INPP5D: variants seen among roughly 807,000 people sequenced by gnomAD.
INPP5D encodes the protein phosphatidylinositol 3,4,5-trisphosphate 5-phosphatase 1.
Under a neutral mutation model 122.9 loss-of-function variants are expected in INPP5D, and 33 were observed. That is an observed-to-expected ratio of 0.27 (90% CI 0.20 to 0.36). The LOEUF is 0.36. INPP5D is among the 10% of genes least tolerant of loss of function. The pLI, the probability that INPP5D is intolerant of heterozygous loss-of-function variation, is 1.00. For missense variants in INPP5D, 1,053 were observed against 1,412.7 expected, an observed-to-expected ratio of 0.75 and a Z score of 4.08; for synonymous variants, 584 against 576.2, an observed-to-expected ratio of 1.01 and a Z score of -0.19.
chr2:233,184,777 C>T (rs559479921), intron 20 of INPP5D, among the ~76,000 whole-genome samples: 1 of 152,314 alleles, frequency 6.6e-6, no homozygotes, highest in South Asian at 2.1e-4. Context: ...AGGTGGCAAG[C>T]AGGGTCCAAT....
At position 233,089,537 on chromosome 2, in the gene INPP5D, G is replaced by C. The variant is rs765201053; in HGVS notation, c.198+10139G>C. Among the ~76,000 whole-genome samples, 3 of 152,298 alleles carry C rather than the reference G, an allele frequency of 2.0e-5. No individual in the cohort carries two copies. The South Asian group carries it at 6.2e-4, about 32-fold the overall frequency. On this transcript the variant is annotated intron_variant, in intron 2 of 26. Transcript: ENST00000445964. ...GCCTTTGTTTCTCCAACCACTGGAG[G>C]TTCCCCAGCTATGTATGGAACCAGC...
chr2:233,204,626 G>A lies in INPP5D; in HGVS notation c.3476G>A (p.Arg1159His), dbSNP rs750844484. ...CTGCACCTCCAGCACTCCAAGGGCCGCGACTACCGCGACAACACCGAGCTC... is the reference window on the plus strand; with the variant it reads ...CTGCACCTCCAGCACTCCAAGGGCCACGACTACCGCGACAACACCGAGCTC... ...AVLHLQHSKG[R>H]DYRDNTELPH... is the part of the protein sequence containing the mutation. Residue 1159 changes from arginine (R) to histidine (H), a missense_variant, in exon 26 of 27, where the codon CGC becomes CAC. Coordinates refer to ENST00000445964, the MANE Select transcript of INPP5D (RefSeq NM_001017915.3). 3 of 1,579,874 alleles carry A rather than the reference G, an allele frequency of 1.9e-6. No homozygotes were observed. The highest frequency in any genetic ancestry group is 2.3e-5 in the East Asian group (1 of 42,896).
At chr2:233,194,855 G>A (rs1464487000) in intron 23 of INPP5D, among the ~76,000 whole-genome samples, 1 of 151,930 alleles carries the variant, frequency 6.6e-6, no homozygotes, top group Non-Finnish European at 1.5e-5. Flanking sequence ...AGGCTAGAGT[G>A]CAGTGGCACA....
At chr2:233,091,715 T>A (rs1199342611) in intron 2 of INPP5D, among the ~76,000 whole-genome samples, 1 of 152,180 alleles carries the variant, frequency 6.6e-6, no homozygotes, top group African/African-American at 2.4e-5. Context: ...CCTCAGGCCA[T>A]GGTACATAAC....
At position 233,204,477 on chromosome 2, in the gene INPP5D, G is replaced by A. The variant is rs199556789; in HGVS notation, c.3327G>A (p.Pro1109=). The A allele has an allele frequency of 3.6e-4, 572 of 1,587,894 alleles. 1 individual carries two copies. The African/African-American group carries it at 6.8e-3, about 19-fold the overall frequency. ...AGAGCCAAGGGAAGCCCAAGACCCCGGTCAGCTCCCAGGCCCCGGTGCCGG... is the reference window on the plus strand; with the variant it reads ...AGAGCCAAGGGAAGCCCAAGACCCCAGTCAGCTCCCAGGCCCCGGTGCCGG... ...GDKSQGKPKT[P]VSSQAPVPAK... is the part of the protein sequence containing the mutation. The change falls in exon 26 of 27, where the codon CCG becomes CCA. Residue 1109 remains proline (P), a synonymous_variant. Transcript: ENST00000445964.
intron 2 of INPP5D, among the ~76,000 whole-genome samples, chr2:233,084,008 T>A (rs907507108): frequency 7.9e-5 from 12 of 152,192 alleles, no homozygotes; most frequent in African/African-American, 2.7e-4. Flanking sequence ...ATCTAGGATA[T>A]TGATTGTTTC....
chr2:233,151,061 T>C (rs1468495205), intron 9 of INPP5D, among the ~76,000 whole-genome samples: 1 of 152,106 alleles, frequency 6.6e-6, no homozygotes, highest in African/African-American at 2.4e-5. Context: ...AATGCCCAAG[T>C]AAGGATTGGA....
intron 17 of INPP5D, among the ~76,000 whole-genome samples, chr2:233,176,561 GATAAT>G (rs1559336068): frequency 0.55 from 11 of 20 alleles, 5 homozygotes; most frequent in East Asian, 1. Flanking sequence ...GTGTGAGGAT[GATAAT>G]GGATTGATGA....
chr2:233,195,048 G>A (rs1275731737), intron 23 of INPP5D, among the ~76,000 whole-genome samples: 3 of 152,090 alleles, frequency 2.0e-5, no homozygotes, highest in South Asian at 2.1e-4. Context: ...CACCTGCCTC[G>A]GCCTCCCAAA....
chr2:233,125,638 G>T, intron 3 of INPP5D, 107 bp from the exon 4 acceptor site: 1 of 969,322 alleles, frequency 1.0e-6, no homozygotes, highest in South Asian at 1.7e-5. Context: ...GGACGCAGAT[G>T]GAGATCAATA....
chr2:233,102,835 G>C (rs1692352578), intron 2 of INPP5D, among the ~76,000 whole-genome samples: 1 of 144,098 alleles, frequency 6.9e-6, no homozygotes. Context: ...GGGCGACAGA[G>C]CAAGACTCCG....
At position 233,171,098 on chromosome 2, in the gene INPP5D, T is replaced by G; in HGVS notation, c.1935T>G (p.Arg645=). Residue 645 remains arginine (R), a synonymous_variant, in exon 17 of 27, where the codon CGT becomes CGG. Transcript: ENST00000445964. ...AAATCACGTTTGCCCCAACCTACCG[T>G]TTTGAGAGACTGACTCGGGACAAAT... is the stretch of plus-strand genomic sequence containing the variant. The part of the protein sequence containing the change: ...EEEITFAPTY[R]FERLTRDKYA... 6.2e-7 allele frequency: 1 copy of G among 1,613,646 alleles called. No homozygotes were observed. The highest frequency in any genetic ancestry group is 8.5e-7 in the Non-Finnish European group (1 of 1,179,798).
intron 13 of INPP5D, among the ~76,000 whole-genome samples, chr2:233,166,463 A>T (rs1431308660): frequency 6.6e-6 from 1 of 152,182 alleles, no homozygotes; most frequent in Non-Finnish European, 1.5e-5. Flanking sequence ...CAGAGAGCAG[A>T]GGTCAGGGGC....
At chr2:233,090,962 GAAA>G (rs112631725) in intron 2 of INPP5D, among the ~76,000 whole-genome samples, 1 of 86,642 alleles carries the variant, frequency 1.2e-5, no homozygotes. Context: ...CCGTCTCAAA[GAAA>G]AAAAAAAAAA....
In INPP5D at chr2:233,189,740, G is replaced by C; in HGVS notation, c.2359-110G>C. 6.7e-7 allele frequency: 1 copy of C among 1,490,590 alleles called. No homozygotes were observed. Among genetic ancestry groups the C allele is most frequent in the Non-Finnish European group, 9.0e-7 (1 of 1,109,858 alleles). 92.3% of individuals were successfully genotyped at this position (1,490,590 alleles called of 1,614,324 possible). ...CTTGGGTATGGACAGCAGAGATTTA[G>C]ATCTGATTACTAAGAACACCTTTCG... On this transcript the variant is annotated intron_variant, in intron 21 of 26. Transcript: ENST00000445964. The surrounding 1 kb of genome is among the most constrained non-coding windows in gnomAD (Gnocchi z 5.6).
At chr2:233,098,746 G>T (rs1455127070) in intron 2 of INPP5D, among the ~76,000 whole-genome samples, 2 of 152,020 alleles carry the variant, frequency 1.3e-5, no homozygotes, top group African/African-American at 4.8e-5. Context: ...CCTAATGGGG[G>T]TCTCAGAACC....
chr2:233,121,121 C>CTTTTTT (rs369587747), intron 2 of INPP5D, among the ~76,000 whole-genome samples: 1 of 117,646 alleles, frequency 8.5e-6, no homozygotes, highest in Non-Finnish European at 1.8e-5. Context: ...TTCTTTCTTT[C>CTTTTTT]TTTTTTTTTT....
At chr2:233,138,541 C>G (rs1309424988) in intron 5 of INPP5D, among the ~76,000 whole-genome samples, 1 of 151,930 alleles carries the variant, frequency 6.6e-6, no homozygotes, top group African/African-American at 2.4e-5. Context: ...TGTTATGTCC[C>G]TTAAAAGAGA....
At chr2:233,115,915 T>A (rs1270812739) in intron 2 of INPP5D, among the ~76,000 whole-genome samples, 1 of 152,090 alleles carries the variant, frequency 6.6e-6, no homozygotes, top group Non-Finnish European at 1.5e-5. Flanking sequence ...ACAGCAACTA[T>A]GACATGACGC....
Sources: gnomAD v4.1 joint callset for allele counts (sites outside exome capture counted in the v4.1 genomes callset) on GRCh38, gnomAD v4.1.1 for gene constraint, Gnocchi (gnomAD v3.1) non-coding constraint, MANE v1.5 for transcripts, NCBI Gene and HGNC (gene_info 2026-07-23, HGNC 2026-07-21) for gene names.